The following GJB6 variants were observed in gnomAD, a reference collection of about 807,000 sequenced individuals.
The protein encoded by GJB6 is gap junction beta-6 protein.
GJB6 carries 5 observed loss-of-function variants against 5.4 expected under a neutral mutation model. The observed-to-expected ratio is 0.92, with a 90% CI of 0.48 to 1.93. The LOEUF (loss-of-function observed/expected upper bound fraction) is 1.93. Among genes scored for constraint, GJB6 ranks in the 30% most tolerant of loss-of-function variants. The pLI is 0.01. For missense variants in GJB6, 298 were observed against 326.9 expected, an observed-to-expected ratio of 0.91 and a Z score of 0.68; for synonymous variants, 136 against 129.6, an observed-to-expected ratio of 1.05 and a Z score of -0.34.
intron 4 of GJB6, among the ~76,000 whole-genome samples, chr13:20,226,722 C>A (rs561339047): frequency 6.6e-6 from 1 of 152,240 alleles, no homozygotes; most frequent in African/African-American, 2.4e-5. Context: ...TGGGGTCAGT[C>A]CTGTTTATTT....
chr13:20,229,373 G>A (rs1440861710), intron 4 of GJB6, among the ~76,000 whole-genome samples: 3 of 128,362 alleles, frequency 2.3e-5, no homozygotes, highest in African/African-American at 5.9e-5. Flanking sequence ...TGCCACCTTG[G>A]TCAGGCTGGT....
chr13:20,226,450 G>A (rs1411902583), intron 4 of GJB6, among the ~76,000 whole-genome samples: 1 of 152,178 alleles, frequency 6.6e-6, no homozygotes, highest in African/African-American at 2.4e-5. Context: ...TAAAGTGTAT[G>A]TACTAATGCC....
At position 20,222,554 on chromosome 13, in the gene GJB6, A is replaced by G; in HGVS notation, c.*141T>C. 7 of 715,220 alleles carry G rather than the reference A, an allele frequency of 9.8e-6. No homozygotes were observed. Among genetic ancestry groups the G allele is most frequent in the South Asian group, 9.7e-5 (6 of 61,710 alleles). 44.3% of individuals were successfully genotyped at this position (715,220 alleles called of 1,614,324 possible). A position where few individuals can be genotyped will look rare whatever the true frequency, so the allele number is the denominator to read the frequency against. ...TGTATGAATGGAGCAAGTATCCTAC[A>G]AAAAGTTAACTCAAGTGTCTATTTA... On this transcript the variant is annotated 3_prime_UTR_variant, in exon 5 of 5. Transcript: ENST00000647029.
Position 20,222,975 on chromosome 13 carries a change from C to T in GJB6, c.506G>A (p.Cys169Tyr). Residue 169 changes from cysteine to tyrosine, a missense_variant, in exon 5 of 5, where the codon TGT becomes TAT. Cys to Tyr is a radical substitution (Grantham distance 194, BLOSUM62 -2). Transcript: ENST00000647029. Reference sequence around the variant, plus strand: ...AAGGTTGGGGCAGGGGTCAATCCCACATTTCAACACCCAGGGCAGGTGGTA... The same window carrying T: ...AAGGTTGGGGCAGGGGTCAATCCCATATTTCAACACCCAGGGCAGGTGGTA... ...NGYHLPWVLK[C>Y]GIDPCPNLVD... The T allele has an allele frequency of 6.2e-7, 1 of 1,614,168 alleles. No individual in the cohort carries two copies. Among genetic ancestry groups the T allele is most frequent in the Non-Finnish European group, 8.5e-7 (1 of 1,180,032 alleles).
chr13:20,231,219 TACTTGAGGGAAAAG>T (rs1238891383), intron 2 of GJB6, 149 bp downstream of exon 2: 2 of 152,274 alleles, frequency 1.3e-5, no homozygotes, highest in African/African-American at 4.8e-5. Flanking sequence ...GCATAAAGTC[TACTTGAGGGAAAAG>T]AACAACCCGG....
At chr13:20,227,239 C>T (rs1869650104) in intron 4 of GJB6, among the ~76,000 whole-genome samples, 1 of 152,096 alleles carries the variant, frequency 6.6e-6, no homozygotes, top group African/African-American at 2.4e-5. Flanking sequence ...GTTCTATCAA[C>T]ATAGCAAAAC....
rs542289939 is a variant in GJB6, at chr13:20,228,560, T to C, written c.-16+1020A>G. 2.1e-4 allele frequency among the ~76,000 whole-genome samples: 32 copies of C among 151,788 alleles called. No individual in the cohort carries two copies. The South Asian group carries it at 5.9e-3, about 28-fold the overall frequency. ...GTACCGTGGCACGATCTCGGCTCACTGCAAGCTCCGCCTCCCGGGTTCACG... is the reference window on the plus strand; with the variant it reads ...GTACCGTGGCACGATCTCGGCTCACCGCAAGCTCCGCCTCCCGGGTTCACG... On this transcript the variant is annotated intron_variant, in intron 4 of 4. Coordinates refer to ENST00000647029, the MANE Select transcript of GJB6 (RefSeq NM_001110219.3).
intron 2 of GJB6, 53 bp from the exon 3 acceptor site, chr13:20,230,860 C>A (rs1870032450): frequency 6.6e-6 from 1 of 152,218 alleles, no homozygotes; most frequent in African/African-American, 2.4e-5. Flanking sequence ...ATAAAGTCAT[C>A]ATTACCTGTA....
intron 4 of GJB6, among the ~76,000 whole-genome samples, chr13:20,228,479 TG>T (rs1869752428): frequency 1.2e-4 from 15 of 130,052 alleles, no homozygotes; most frequent in African/African-American, 4.2e-4. Flanking sequence ...TTTTGTTTTT[TG>T]TTTTTGTTTT....
Position 20,223,238 on chromosome 13 carries a change from C to G in GJB6, c.243G>C (p.Leu81=), listed in dbSNP as rs267603772. The G allele has an allele frequency of 6.2e-7, 1 of 1,610,238 alleles. No individual in the cohort carries two copies. The highest frequency in any genetic ancestry group is 8.5e-7 in the Non-Finnish European group (1 of 1,176,972). ...GCAGCGCTGGGGTGGAGACGAAGATCAGCTGGAGGGCCCACAGCCGGATGT... is the reference window on the plus strand; with the variant it reads ...GCAGCGCTGGGGTGGAGACGAAGATGAGCTGGAGGGCCCACAGCCGGATGT... ...VSHIRLWALQ[L]IFVSTPALLV... is the part of the protein sequence containing the mutation. Residue 81 remains leucine, a synonymous_variant, in exon 5 of 5, where the codon CTG becomes CTC. Coordinates refer to ENST00000647029, the MANE Select transcript of GJB6 (RefSeq NM_001110219.3).
At chr13:20,229,243 G>A (rs1027375713) in intron 4 of GJB6, among the ~76,000 whole-genome samples, 12 of 146,268 alleles carry the variant, frequency 8.2e-5, no homozygotes, top group African/African-American at 2.3e-4. Context: ...CTGCCTCCCC[G>A]GTTCTAGTGA....
intron 4 of GJB6, among the ~76,000 whole-genome samples, chr13:20,225,037 G>A (rs982305278): frequency 5.3e-5 from 8 of 152,346 alleles, no homozygotes; most frequent in Admixed American, 4.6e-4. Flanking sequence ...AGAGTGGGGT[G>A]CTACTGTGTG....
intron 4 of GJB6, among the ~76,000 whole-genome samples, chr13:20,228,615 G>A (rs1352726260): frequency 6.7e-6 from 1 of 148,270 alleles, no homozygotes; most frequent in African/African-American, 2.5e-5. Flanking sequence ...TCTCTGAGCA[G>A]CTGGGACTAC....
chr13:20,224,512 T>G (rs7329051), intron 4 of GJB6, among the ~76,000 whole-genome samples: 21 of 152,208 alleles, frequency 1.4e-4, no homozygotes, highest in African/African-American at 5.1e-4. Flanking sequence ...GGGTCCTGTT[T>G]GCGCCAGGGG....
intron 4 of GJB6, among the ~76,000 whole-genome samples, chr13:20,227,676 C>T (rs997392557): frequency 6.6e-6 from 1 of 152,212 alleles, no homozygotes; most frequent in Non-Finnish European, 1.5e-5. Flanking sequence ...CCGTGCGTAT[C>T]ATTCTCTGCA....
At chr13:20,231,888 C>A (rs999332515) in intron 1 of GJB6, among the ~76,000 whole-genome samples, 1 of 152,250 alleles carries the variant, frequency 6.6e-6, no homozygotes, top group African/African-American at 2.4e-5. Flanking sequence ...CGTTCCTCTG[C>A]GTACAGAGAG....
chr13:20,223,302 C>A lies in GJB6; in HGVS notation c.179G>T (p.Cys60Phe), dbSNP rs750540794. Reference sequence around the variant, plus strand: ...AAAGTGGTCATAGCACACATTTTTGCATCCCGGTTGCAGTGTGTTGCAGAC... The same window carrying A: ...AAAGTGGTCATAGCACACATTTTTGAATCCCGGTTGCAGTGTGTTGCAGAC... ...DFVCNTLQPG[C>F]KNVCYDHFFP... The change falls in exon 5 of 5, where the codon TGC becomes TTC. Residue 60 changes from cysteine (C) to phenylalanine (F), a missense_variant. Cys to Phe is a radical substitution (Grantham distance 205). Coordinates refer to ENST00000647029, the MANE Select transcript of GJB6 (RefSeq NM_001110219.3). The A allele has an allele frequency of 6.8e-6, 11 of 1,613,968 alleles. No homozygotes were observed. Among genetic ancestry groups the A allele is most frequent in the African/African-American group, 1.3e-5 (1 of 74,922 alleles).
chr13:20,232,150 C>T (rs1338313962), intron 1 of GJB6, 44 bp downstream of exon 1: 3 of 152,152 alleles, frequency 2.0e-5, no homozygotes, highest in African/African-American at 4.8e-5. Context: ...GGTGGCACCG[C>T]CCGCTCGCCC....
At chr13:20,230,883 T>G (rs901974027) in intron 2 of GJB6, 76 bp from the exon 3 acceptor site, 3 of 152,198 alleles carry the variant, frequency 2.0e-5, no homozygotes, top group African/African-American at 7.2e-5. Flanking sequence ...AGAATTTGTT[T>G]AAAAAACAAC....
Sources: allele counts gnomAD v4.1 joint callset (sites outside exome capture counted in the v4.1 genomes callset), GRCh38; gene constraint gnomAD v4.1.1; transcripts MANE v1.5; gene names NCBI Gene and HGNC (gene_info 2026-07-23, HGNC 2026-07-21).